SPAG4: variants seen among roughly 807,000 people sequenced by gnomAD.
SPAG4 encodes the protein sperm-associated antigen 4 protein.
In SPAG4, 54 loss-of-function variants were observed where a neutral mutation model predicts 53.9. The ratio of observed to expected loss-of-function variants is 1.00; its 90% CI spans 0.80 to 1.26. SPAG4 has a LOEUF of 1.26. SPAG4 is among the 50% of genes most tolerant of loss of function. The pLI, the probability that SPAG4 is intolerant of heterozygous loss-of-function variation, is 0.00. For synonymous variants in SPAG4, 246 were observed against 237.4 expected, an observed-to-expected ratio of 1.04 and a Z score of -0.33; for missense variants, 548 against 568.6, an observed-to-expected ratio of 0.96 and a Z score of 0.37.
In SPAG4 at chr20:35,617,500, A is replaced by AC. The variant is rs1451698334; in HGVS notation, c.410-17dup. ...TCTCCCTGCCGTGGGCCCCTCTCTG[A>AC]CCCTCTGTCCTGGCCTCAGGCCTGC... On this transcript the variant is annotated intron_variant, in intron 2 of 11. Coordinates refer to ENST00000374273, the MANE Select transcript of SPAG4 (RefSeq NM_003116.3). The AC allele has an allele frequency of 6.3e-7, 1 of 1,576,132 alleles. No individual in the cohort carries two copies. Among genetic ancestry groups the AC allele is most frequent in the Non-Finnish European group, 8.6e-7 (1 of 1,159,848 alleles).
At position 35,617,485 on chromosome 20, in the gene SPAG4, G is replaced by A. The variant is rs933454008; in HGVS notation, c.410-35G>A. On this transcript the variant is annotated intron_variant, in intron 2 of 11. Transcript: ENST00000374273. ...AGGCTGAGCCCCGCCTCTCCCTGCC[G>A]TGGGCCCCTCTCTGACCCTCTGTCC... is the stretch of plus-strand genomic sequence containing the variant. 27 of 1,553,988 alleles carry A rather than the reference G, an allele frequency of 1.7e-5. No homozygotes were observed. The African/African-American group carries it at 2.7e-4, about 16-fold the overall frequency.
rs1416146010 is a variant in SPAG4 at position 35,615,888 on chromosome 20, G to A, written c.-116G>A. ...GGCAGGTGCGGCCGCGGGGCCTGCCGACTTCACGCAGGGTCCGTGGGGTCC... is the reference window on the plus strand; with the variant it reads ...GGCAGGTGCGGCCGCGGGGCCTGCCAACTTCACGCAGGGTCCGTGGGGTCC... On this transcript the variant is annotated 5_prime_UTR_variant, in exon 1 of 12. Coordinates refer to ENST00000374273, the MANE Select transcript of SPAG4 (RefSeq NM_003116.3). 8.0e-6 allele frequency: 8 copies of A among 1,003,094 alleles called. No homozygotes were observed. Among genetic ancestry groups the A allele is most frequent in the Non-Finnish European group, 1.1e-5 (8 of 710,346 alleles). 62.1% of individuals were successfully genotyped at this position (1,003,094 alleles called of 1,614,324 possible).
rs34962502 is a variant in SPAG4, at chr20:35,620,947, G to T, written c.1239G>T (p.Thr413=). The T allele has an allele frequency of 6.2e-7, 1 of 1,614,206 alleles. No individual in the cohort carries two copies. The highest frequency in any genetic ancestry group is 8.5e-7 in the Non-Finnish European group (1 of 1,180,044). Residue 413 remains threonine, a synonymous_variant, in exon 12 of 12, where the codon ACG becomes ACT. Transcript: ENST00000374273. ...GCAACTGGGGCCACCCCCGTTTCAC[G>T]TGCTTGTATCGAGTCCGTGCCCACG... ...ILSNWGHPRF[T]CLYRVRAHGV...
In SPAG4 at chr20:35,615,923, G is replaced by A; in HGVS notation, c.-81G>A. On this transcript the variant is annotated 5_prime_UTR_variant, in exon 1 of 12. Coordinates refer to ENST00000374273, the MANE Select transcript of SPAG4 (RefSeq NM_003116.3). ...AGGGTCCGTGGGGTCCCCGCGGCGCGCAGCGGCTGAAGGAGGCCCCAGGGC... is the reference window on the plus strand; with the variant it reads ...AGGGTCCGTGGGGTCCCCGCGGCGCACAGCGGCTGAAGGAGGCCCCAGGGC... The A allele has an allele frequency of 1.4e-6, 2 of 1,420,430 alleles. No homozygotes were observed. The highest frequency in any genetic ancestry group is 1.9e-6 in the Non-Finnish European group (2 of 1,053,222). 88.0% of individuals were successfully genotyped at this position (1,420,430 alleles called of 1,614,324 possible). A position where few individuals can be genotyped will look rare whatever the true frequency, so the allele number is the denominator to read the frequency against.
rs2031368420 is a variant in SPAG4 at position 35,616,183 on chromosome 20, C to T, written c.180C>T (p.Pro60=). Residue 60 remains proline, a synonymous_variant, in exon 1 of 12, where the codon CCC becomes CCT. Transcript: ENST00000374273. ...RRARGPSCGE[P]ALSAGVPGGT... ...CCCGGGGCCCGAGCTGCGGTGAGCC[C>T]GCCTTGAGCGCGGGAGTGCCCGGAG... 1.3e-6 allele frequency: 2 copies of T among 1,591,778 alleles called. No homozygotes were observed. The highest frequency in any genetic ancestry group is 8.5e-7 in the Non-Finnish European group (1 of 1,170,666).
chr20:35,615,915 C>T lies in SPAG4; in HGVS notation c.-89C>T, dbSNP rs531947092. On this transcript the variant is annotated 5_prime_UTR_variant, in exon 1 of 12. Transcript: ENST00000374273. ...CTTCACGCAGGGTCCGTGGGGTCCC[C>T]GCGGCGCGCAGCGGCTGAAGGAGGC... 233 of 1,366,888 alleles carry T rather than the reference C, an allele frequency of 1.7e-4. 1 individual carries two copies. In the African/African-American group the frequency reaches 3.2e-3, roughly 19 times the overall value. 84.7% of individuals were successfully genotyped at this position (1,366,888 alleles called of 1,614,324 possible).
At chr20:35,616,912 G>A (rs1016327911) in intron 1 of SPAG4, 2 of 564,690 alleles carry the variant, frequency 3.5e-6, no homozygotes, top group Non-Finnish European at 6.3e-6. Context: ...TTACAGGCGT[G>A]AGCCACCGCG....
intron 9 of SPAG4, 30 bp from the exon 10 acceptor site, chr20:35,619,549 G>A (rs777993539): frequency 1.2e-6 from 2 of 1,604,204 alleles, no homozygotes; most frequent in Non-Finnish European, 1.7e-6. Flanking sequence ...TCTGTCCGAC[G>A]GTTCCGATGG....
intron 1 of SPAG4, chr20:35,616,906 A>T (rs1322788682): frequency 1.8e-6 from 1 of 553,844 alleles, no homozygotes; most frequent in Non-Finnish European, 3.2e-6. Flanking sequence ...CTGGGATTAC[A>T]GGCGTGAGCC....
rs1231879181 is a variant in SPAG4, at chr20:35,618,659, T to G, written c.656T>G (p.Leu219Arg). 1.3e-6 allele frequency: 2 copies of G among 1,598,060 alleles called. No individual in the cohort carries two copies. Among genetic ancestry groups the G allele is most frequent in the Non-Finnish European group, 1.7e-6 (2 of 1,172,394 alleles). The change falls in exon 7 of 12, where the codon CTC becomes CGC. Residue 219 changes from leucine to arginine, a missense_variant. Coordinates refer to ENST00000374273, the MANE Select transcript of SPAG4 (RefSeq NM_003116.3). ...VRSQGQQLQQ[L>R]QAELDKLHKE... ...TCCCAGGGGCAGCAGCTGCAGCAGC[T>G]CCAGGCCGAGCTGGATAAACTCCAC... is the stretch of plus-strand genomic sequence containing the variant.
Position 35,619,314 on chromosome 20 carries a change from AG to A in SPAG4, c.909+5del, listed in dbSNP as rs767789326. On this transcript the variant is annotated splice_donor_5th_base_variant and intron_variant, in intron 9 of 11. Coordinates refer to ENST00000374273, the MANE Select transcript of SPAG4 (RefSeq NM_003116.3). ...GCCGCCCACGGTTATCCTGGAGGTG[AG>A]TCTGGAAACATCCCGGGATGGGACC... 4 of 1,611,378 alleles carry A rather than the reference AG, an allele frequency of 2.5e-6. No individual in the cohort carries two copies. The highest frequency in any genetic ancestry group is 1.7e-4 in the Middle Eastern group (1 of 6,054).
At chr20:35,620,339 A>G (rs562227078) in intron 10 of SPAG4, among the ~76,000 whole-genome samples, 64 of 152,268 alleles carry the variant, frequency 4.2e-4, no homozygotes, top group African/African-American at 1.5e-3. Context: ...TAATGCTCAG[A>G]GAGGGGAAGT....
At position 35,617,170 on chromosome 20, in the gene SPAG4, G is replaced by A. The variant is rs760081720; in HGVS notation, c.339G>A (p.Pro113=). 4 of 1,596,180 alleles carry A rather than the reference G, an allele frequency of 2.5e-6. No homozygotes were observed. The South Asian group carries it at 4.5e-5, about 18-fold the overall frequency. ...PTGSPVVSEE[P]LDLLPTLDLR... ...GGTCTCCAGTAGTCTCTGAGGAGCC[G>A]CTCGACCTTCTCCCGACCCTGGATC... The change falls in exon 2 of 12, where the codon CCG becomes CCA. Residue 113 remains proline (P), a synonymous_variant. Coordinates refer to ENST00000374273, the MANE Select transcript of SPAG4 (RefSeq NM_003116.3).
At position 35,616,299 on chromosome 20, in the gene SPAG4, G is replaced by GGGCCTCGGGTGCGGGCGGGGTC. The variant is rs762094009; in HGVS notation, c.298_304+15dup. On this transcript the variant is annotated frameshift_variant, in exon 1 of 12. Transcript: ENST00000374273. LOFTEE classifies it high-confidence loss of function. ...TGTGGCGCGGCAACCGTGAGGGGCG[G>GGGCCTCGGGTGCGGGCGGGGTC]GGCCTCGGGTGCGGGCGGGGTCGAC... 2.7e-5 allele frequency: 40 copies of GGGCCTCGGGTGCGGGCGGGGTC among 1,481,638 alleles called. No homozygotes were observed. The highest frequency in any genetic ancestry group is 3.6e-5 in the Non-Finnish European group (40 of 1,120,612). 91.8% of individuals were successfully genotyped at this position (1,481,638 alleles called of 1,614,324 possible). A position where few individuals can be genotyped will look rare whatever the true frequency, so the allele number is the denominator to read the frequency against.
chr20:35,618,949 G>T lies in SPAG4; in HGVS notation c.744G>T (p.Arg248Ser), dbSNP rs755805334. The T allele has an allele frequency of 6.2e-7, 1 of 1,614,222 alleles. No homozygotes were observed. The change falls in exon 8 of 12, where the codon AGG becomes AGT. Residue 248 changes from arginine (R) to serine (S), a missense_variant. Physicochemically the swap from Arg to Ser is moderately radical, Grantham distance 110. Coordinates refer to ENST00000374273, the MANE Select transcript of SPAG4 (RefSeq NM_003116.3). Reference sequence around the variant, plus strand: ...GAGTGGCCAAGCTCGTGTTCCAGAGGCTGAATGAGGATTTTGTGCGGAAGC... The same window carrying T: ...GAGTGGCCAAGCTCGTGTTCCAGAGTCTGAATGAGGATTTTGTGCGGAAGC... The part of the protein sequence containing the change: ...SERVAKLVFQ[R>S]LNEDFVRKPD...
rs2031550971 is a variant in SPAG4 at position 35,620,717 on chromosome 20, T to C, written c.1111T>C (p.Leu371=). 6.6e-7 allele frequency: 1 copy of C among 1,509,968 alleles called. No homozygotes were observed. Among genetic ancestry groups the C allele is most frequent in the Admixed American group, 1.8e-5 (1 of 55,888 alleles). 93.5% of individuals were successfully genotyped at this position (1,509,968 alleles called of 1,614,324 possible). The change falls in exon 11 of 12, where the codon TTG becomes CTG. Residue 371 remains leucine (L), a synonymous_variant. Transcript: ENST00000374273. ...LQVYDETEVS[L]GKFTFDVEKS... is the part of the protein sequence containing the mutation. ...GGTTTATGATGAAACTGAAGTTTCC[T>C]TGGGGAAATTCACCTTCGATGTTGA...
Position 35,620,818 on chromosome 20 carries a change from G to A in SPAG4, c.1167+45G>A, listed in dbSNP as rs185745668. 464 of 1,613,140 alleles carry A rather than the reference G, an allele frequency of 2.9e-4. 3 individuals are homozygous for A. The African/African-American group carries it at 5.5e-3, about 19-fold the overall frequency. On this transcript the variant is annotated intron_variant, in intron 11 of 11. Coordinates refer to ENST00000374273, the MANE Select transcript of SPAG4 (RefSeq NM_003116.3). ...GAAGGTGCCAAGGGAGTGGGGCAGT[G>A]AGGGATGAATGATCCAGGAGGAGGG...
rs2031416422 is a variant in SPAG4, at chr20:35,617,188, C to G, written c.357C>G (p.Thr119=). The part of the protein sequence containing the change: ...VSEEPLDLLP[T]LDLRQEMPPP... ...AGGAGCCGCTCGACCTTCTCCCGAC[C>G]CTGGATCTGAGGCAGGAGATGCCTC... The change falls in exon 2 of 12, where the codon ACC becomes ACG. Residue 119 remains threonine (T), a synonymous_variant. Transcript: ENST00000374273. 1 of 1,602,168 alleles carries G rather than the reference C, an allele frequency of 6.2e-7. No individual in the cohort carries two copies. Among genetic ancestry groups the G allele is most frequent in the South Asian group, 1.1e-5 (1 of 88,804 alleles).
chr20:35,617,312 C>T, intron 2 of SPAG4, 72 bp downstream of exon 2: 11 of 1,113,952 alleles, frequency 9.9e-6, no homozygotes, highest in Non-Finnish European at 1.3e-5. Flanking sequence ...TCTCTCTGAG[C>T]CCCCGGCCCC....
Sources: gnomAD v4.1 joint callset for allele counts (sites outside exome capture counted in the v4.1 genomes callset) on GRCh38, gnomAD v4.1.1 for gene constraint, MANE v1.5 for transcripts, NCBI Gene and HGNC (gene_info 2026-07-23, HGNC 2026-07-21) for gene names.